The following S100PBP variants were observed in gnomAD, a reference collection of about 807,000 sequenced individuals.
S100PBP encodes S100P binding protein.
S100PBP carries 15 observed loss-of-function variants against 39.9 expected under a neutral mutation model. That is an observed-to-expected ratio of 0.38 (90% CI 0.25 to 0.58). The LOEUF (loss-of-function observed/expected upper bound fraction) is 0.58, where lower values mean the gene tolerates loss of function less well. Among genes scored for constraint, S100PBP ranks in the 20% least tolerant of loss-of-function variants. The pLI, the probability that S100PBP is intolerant of heterozygous loss-of-function variation, is 0.70. For synonymous variants in S100PBP, 178 were observed against 180.3 expected, an observed-to-expected ratio of 0.99 and a Z score of 0.10; for missense variants, 504 against 487.3, an observed-to-expected ratio of 1.03 and a Z score of -0.32.
At chr1:32,850,717 C>T (rs752460769) in intron 5 of S100PBP, among the ~76,000 whole-genome samples, 2 of 152,122 alleles carry the variant, frequency 1.3e-5, no homozygotes, top group Non-Finnish European at 2.9e-5. Flanking sequence ...ATATATTTTT[C>T]ATTTTGTCAA....
intron 5 of S100PBP, among the ~76,000 whole-genome samples, chr1:32,843,720 T>C (rs1265434298): frequency 6.6e-6 from 1 of 152,020 alleles, no homozygotes; most frequent in Non-Finnish European, 1.5e-5. Context: ...CTCAAAGTGC[T>C]GGGATTACAG....
chr1:32,849,137 CTTTCTTTTTT>C (rs1012463989), intron 5 of S100PBP, among the ~76,000 whole-genome samples: 1 of 151,116 alleles, frequency 6.6e-6, no homozygotes, highest in African/African-American at 2.4e-5. Context: ...AGTATCTTTT[CTTTCTTTTTT>C]TTTCTTTTTT....
intron 4 of S100PBP, 102 bp downstream of exon 4, chr1:32,828,183 C>A: frequency 5.8e-6 from 4 of 691,944 alleles, no homozygotes; most frequent in Non-Finnish European, 9.7e-6. Flanking sequence ...AAAATCCCTA[C>A]TCCAGGAGTA....
chr1:32,838,096 C>G (rs1639913467), intron 5 of S100PBP, among the ~76,000 whole-genome samples: 1 of 152,080 alleles, frequency 6.6e-6, no homozygotes, highest in African/African-American at 2.4e-5. Context: ...AATCCCAGCA[C>G]TTTTGGAGGC....
chr1:32,840,734 A>G (rs1640049427), intron 5 of S100PBP, among the ~76,000 whole-genome samples: 1 of 152,182 alleles, frequency 6.6e-6, no homozygotes, highest in Non-Finnish European at 1.5e-5. Flanking sequence ...TTTCTAATAT[A>G]TGTGTAGTGA....
intron 1 of S100PBP, among the ~76,000 whole-genome samples, chr1:32,822,636 AAAAG>A (rs1447894266): frequency 1.3e-5 from 2 of 151,804 alleles, no homozygotes; most frequent in Non-Finnish European, 2.9e-5. Flanking sequence ...AAAAAAAAAA[AAAAG>A]AGGAAGTAAC....
At chr1:32,837,589 TAAG>T (rs1639891787) in intron 5 of S100PBP, among the ~76,000 whole-genome samples, 1 of 144,222 alleles carries the variant, frequency 6.9e-6, no homozygotes, top group Admixed American at 6.9e-5. Flanking sequence ...AAAAAGATAA[TAAG>T]CATATTGGAC....
intron 5 of S100PBP, among the ~76,000 whole-genome samples, chr1:32,831,389 A>AG (rs1178712270): frequency 6.6e-6 from 1 of 151,916 alleles, no homozygotes; most frequent in African/African-American, 2.4e-5. Flanking sequence ...CACAGAGAAG[A>AG]TAATTAGTTT....
intron 5 of S100PBP, 97 bp downstream of exon 5, chr1:32,830,164 T>G: frequency 1.3e-6 from 1 of 773,846 alleles, no homozygotes. Context: ...AGAATTTTCT[T>G]AAATTCTTGA....
At chr1:32,822,267 T>C (rs1639105083) in intron 1 of S100PBP, among the ~76,000 whole-genome samples, 1 of 152,222 alleles carries the variant, frequency 6.6e-6, no homozygotes. Context: ...TTCATTATAC[T>C]ATTATGTTAC....
chr1:32,832,620 C>T (rs1199365586), intron 5 of S100PBP, among the ~76,000 whole-genome samples: 2 of 152,088 alleles, frequency 1.3e-5, no homozygotes, highest in African/African-American at 2.4e-5. Context: ...TTTGTATATA[C>T]CTTATTGCAA....
rs186695778 is a variant in S100PBP at position 32,828,594 on chromosome 1, A to G, written c.920+513A>G. On this transcript the variant is annotated intron_variant, in intron 4 of 6. Transcript: ENST00000373475. ...CAGTATCTTTACATGGTCCTTTTAA[A>G]TTGAATCTACTAGAAAAAGCTTTTT... Among the ~76,000 whole-genome samples, 4 of 152,268 alleles carry G rather than the reference A, an allele frequency of 2.6e-5. No individual in the cohort carries two copies. The East Asian group carries it at 5.8e-4, about 22-fold the overall frequency.
intron 5 of S100PBP, among the ~76,000 whole-genome samples, chr1:32,838,333 C>CAAAA (rs770251816): frequency 1.2e-4 from 8 of 67,824 alleles, no homozygotes; most frequent in East Asian, 4.1e-4. Flanking sequence ...GACTCTGTCT[C>CAAAA]AAAAAAAAAA....
intron 5 of S100PBP, among the ~76,000 whole-genome samples, chr1:32,834,590 A>G (rs188844817): frequency 6.6e-6 from 1 of 152,346 alleles, no homozygotes; most frequent in East Asian, 1.9e-4. Flanking sequence ...CTTCTAATCA[A>G]ATCAGCAGGC....
At chr1:32,839,963 C>T (rs1000575227) in intron 5 of S100PBP, among the ~76,000 whole-genome samples, 1 of 151,784 alleles carries the variant, frequency 6.6e-6, no homozygotes, top group African/African-American at 2.4e-5. Flanking sequence ...ACAGGCTCAC[C>T]ACCACACCTG....
At chr1:32,834,155 G>A (rs1272003651) in intron 5 of S100PBP, 1 of 177,000 alleles carries the variant, frequency 5.6e-6, no homozygotes, top group Non-Finnish European at 1.4e-5. Flanking sequence ...CAATTTGATA[G>A]GTAAATTTTA....
At chr1:32,818,217 C>A (rs1051432707) in intron 1 of S100PBP, 5 of 152,338 alleles carry the variant, frequency 3.3e-5, no homozygotes, top group Non-Finnish European at 7.3e-5. Flanking sequence ...TCGCTTCTCC[C>A]GCTTTCCGCC....
chr1:32,822,579 C>G (rs1404699107), intron 1 of S100PBP, among the ~76,000 whole-genome samples: 1 of 149,344 alleles, frequency 6.7e-6, no homozygotes, highest in Non-Finnish European at 1.5e-5. Context: ...CGAGATCGCG[C>G]CACTGCACTC....
chr1:32,852,436 G>A (rs1400767532), intron 5 of S100PBP, among the ~76,000 whole-genome samples: 1 of 152,120 alleles, frequency 6.6e-6, no homozygotes, highest in Non-Finnish European at 1.5e-5. Flanking sequence ...TATGTAAAGT[G>A]TCTAGTACAT....
Sources: allele counts gnomAD v4.1 joint callset (sites outside exome capture counted in the v4.1 genomes callset), GRCh38; gene constraint gnomAD v4.1.1; transcripts MANE v1.5; gene names NCBI Gene and HGNC (gene_info 2026-07-23, HGNC 2026-07-21).